AGBL4: variants seen among roughly 807,000 people sequenced by gnomAD.
AGBL4 encodes the protein AGBL carboxypeptidase 4.
Under a neutral mutation model 66.4 loss-of-function variants are expected in AGBL4, and 58 were observed. The ratio of observed to expected loss-of-function variants is 0.87; its 90% CI spans 0.71 to 1.09. The LOEUF is 1.09. AGBL4 is among the 50% of genes least tolerant of loss of function. The pLI, the probability that AGBL4 is intolerant of heterozygous loss-of-function variation, is 0.00. For synonymous variants in AGBL4, 234 were observed against 222.9 expected (o/e 1.05, Z -0.44); for missense variants, 579 against 631.0 (o/e 0.92, Z 0.88).
At chr1:49,313,532 A>G (rs1337326411) in intron 3 of AGBL4, among the ~76,000 whole-genome samples, 1 of 152,122 alleles carries the variant, frequency 6.6e-6, no homozygotes, top group East Asian at 1.9e-4. Context: ...GCTCTCCAGC[A>G]TCTATTGTTT....
chr1:49,516,389 T>C (rs1330794583), intron 3 of AGBL4, among the ~76,000 whole-genome samples: 2 of 151,938 alleles, frequency 1.3e-5, no homozygotes, highest in Non-Finnish European at 2.9e-5. Flanking sequence ...AATAAATAGA[T>C]GTTAAAGAAA....
intron 6 of AGBL4, among the ~76,000 whole-genome samples, chr1:48,828,661 C>T (rs925516879): frequency 2.6e-5 from 4 of 152,230 alleles, no homozygotes; most frequent in Middle Eastern, 3.4e-3. Flanking sequence ...TCAGTCAAAA[C>T]TATTAACTGT....
At chr1:49,002,099 T>C (rs546507363) in intron 5 of AGBL4, among the ~76,000 whole-genome samples, 1 of 152,316 alleles carries the variant, frequency 6.6e-6, no homozygotes, top group East Asian at 1.9e-4. Context: ...ATATTACGTA[T>C]AATTGAGCAA....
At chr1:48,591,705 T>G (rs1034652743) in intron 9 of AGBL4, among the ~76,000 whole-genome samples, 1 of 152,204 alleles carries the variant, frequency 6.6e-6, no homozygotes, top group East Asian at 1.9e-4. Context: ...GTTAGCCTTG[T>G]GTCATGATGC....
chr1:49,240,947 T>C (rs963966555), intron 4 of AGBL4, among the ~76,000 whole-genome samples: 1 of 152,026 alleles, frequency 6.6e-6, no homozygotes, highest in Non-Finnish European at 1.5e-5. Context: ...TCATCCCTTC[T>C]GTTGTTCATG....
At chr1:49,866,697 G>A (rs952400529) in intron 1 of AGBL4, among the ~76,000 whole-genome samples, 1 of 152,094 alleles carries the variant, frequency 6.6e-6, no homozygotes, top group Admixed American at 6.6e-5. Context: ...CCTGAAGGTG[G>A]AGGTTGCAAT....
At chr1:49,551,657 G>A (rs1342824796) in intron 3 of AGBL4, among the ~76,000 whole-genome samples, 1 of 152,162 alleles carries the variant, frequency 6.6e-6, no homozygotes, top group African/African-American at 2.4e-5. Flanking sequence ...GCCATCTATG[G>A]GTCTCAGCCA....
chr1:49,723,437 G>A (rs990810962), intron 2 of AGBL4, among the ~76,000 whole-genome samples: 1 of 151,786 alleles, frequency 6.6e-6, no homozygotes, highest in African/African-American at 2.4e-5. Flanking sequence ...TCAGCCTGCC[G>A]CATAAAGCCT....
intron 6 of AGBL4, among the ~76,000 whole-genome samples, chr1:48,720,380 A>C (rs1647125634): frequency 6.6e-6 from 1 of 152,240 alleles, no homozygotes. Context: ...GAAGTTTCAG[A>C]TGGAAAAAAC....
chr1:49,805,567 A>G (rs1481837249), intron 2 of AGBL4, among the ~76,000 whole-genome samples: 1 of 152,192 alleles, frequency 6.6e-6, no homozygotes, highest in Non-Finnish European at 1.5e-5. Context: ...AGATACAGAG[A>G]AGAACTGCTG....
At chr1:49,372,653 TTCTTTCTTTCTTTCTTTCTTTCTTTC>T (rs1364870505) in intron 3 of AGBL4, among the ~76,000 whole-genome samples, 9 of 139,032 alleles carry the variant, frequency 6.5e-5, no homozygotes, top group South Asian at 2.2e-4. Context: ...CTTTCTTTCT[TTCTTTCTTTCTTTCTTTCTTTCTTTC>T]TCTTTCTTTC....
At chr1:49,419,939 T>A (rs1025114782) in intron 3 of AGBL4, among the ~76,000 whole-genome samples, 1 of 152,168 alleles carries the variant, frequency 6.6e-6, no homozygotes, top group East Asian at 1.9e-4. Context: ...AGCATCAGCA[T>A]TATTTGAAAA....
At chr1:50,012,861 T>C (rs1358034366) in intron 1 of AGBL4, among the ~76,000 whole-genome samples, 1 of 152,136 alleles carries the variant, frequency 6.6e-6, no homozygotes, top group Non-Finnish European at 1.5e-5. Context: ...TGAGAACAAC[T>C]TTTTTGCCAA....
At chr1:49,058,593 T>C (rs1486894549) in intron 4 of AGBL4, among the ~76,000 whole-genome samples, 1 of 152,180 alleles carries the variant, frequency 6.6e-6, no homozygotes, top group Admixed American at 6.5e-5. Flanking sequence ...ATTAGTATCA[T>C]AGAGAGTGGG....
chr1:48,577,036 C>T (rs188235199), intron 11 of AGBL4, among the ~76,000 whole-genome samples: 1 of 152,160 alleles, frequency 6.6e-6, no homozygotes, highest in Non-Finnish European at 1.5e-5. Context: ...TCCAATTAAG[C>T]CCCCCTCAAA....
At chr1:48,773,739 C>T (rs1417440337) in intron 6 of AGBL4, among the ~76,000 whole-genome samples, 1 of 152,184 alleles carries the variant, frequency 6.6e-6, no homozygotes, top group Non-Finnish European at 1.5e-5. Context: ...GTTCCAATTC[C>T]AGCCTTGCCA....
At chr1:49,974,815 T>C (rs1416259147) in intron 1 of AGBL4, among the ~76,000 whole-genome samples, 4 of 152,176 alleles carry the variant, frequency 2.6e-5, no homozygotes, top group Non-Finnish European at 4.4e-5. Context: ...CACCTCCTCA[T>C]TGAATTCTTT....
intron 3 of AGBL4, among the ~76,000 whole-genome samples, chr1:49,445,991 A>G (rs1368848766): frequency 2.6e-5 from 4 of 152,086 alleles, no homozygotes; most frequent in African/African-American, 9.7e-5. Context: ...AGCTGGGAAT[A>G]CAGATGCCTG....
At chr1:49,520,224 A>G (rs1470719216) in intron 3 of AGBL4, among the ~76,000 whole-genome samples, 1 of 151,968 alleles carries the variant, frequency 6.6e-6, no homozygotes, top group African/African-American at 2.4e-5. Flanking sequence ...TGCTTGTTTT[A>G]TTTATCATTA....
Sources: gnomAD v4.1 joint callset for allele counts (sites outside exome capture counted in the v4.1 genomes callset) on GRCh38, gnomAD v4.1.1 for gene constraint, MANE v1.5 for transcripts, NCBI Gene and HGNC (gene_info 2026-07-23, HGNC 2026-07-21) for gene names.